Variants in OSMR observed in about 807,000 individuals in gnomAD.
The protein encoded by OSMR is oncostatin M receptor, also known as oncostatin-M-specific receptor subunit beta.
In OSMR, 81 loss-of-function variants were observed where a neutral mutation model predicts 99.9. The observed-to-expected ratio is 0.81, with a 90% confidence interval of 0.68 to 0.97. OSMR has a LOEUF of 0.97. Among genes scored for constraint, OSMR ranks in the 50% least tolerant of loss-of-function variants. The pLI is 0.00. For synonymous variants in OSMR, 406 were observed against 410.4 expected, an observed-to-expected ratio of 0.99 and a Z score of 0.13; for missense variants, 1,099 against 1,153.4, an observed-to-expected ratio of 0.95 and a Z score of 0.68.
At chr5:38,906,929 A>C (rs1745274363) in intron 9 of OSMR, among the ~76,000 whole-genome samples, 2 of 152,208 alleles carry the variant, frequency 1.3e-5, no homozygotes, top group Non-Finnish European at 2.9e-5. Context: ...AATTTTGTTA[A>C]ATTTTGTTAA....
Position 38,869,019 on chromosome 5 carries a change from TTATC to T in OSMR, c.-13-11_-13-8del, listed in dbSNP as rs779118239. ...TAAATAAAATTTTCCTTCTTATAAT[TTATC>T]TTTTTCAGAAAACCAGAACTGATGG... On this transcript the variant is annotated splice_polypyrimidine_tract_variant and intron_variant, in intron 1 of 17. Transcript: ENST00000274276. The T allele has an allele frequency of 3.3e-5, 54 of 1,612,590 alleles. No individual in the cohort carries two copies. The highest frequency in any genetic ancestry group is 4.5e-5 in the Non-Finnish European group (53 of 1,179,188).
At chr5:38,920,398 A>C (rs372783089) in intron 11 of OSMR, among the ~76,000 whole-genome samples, 2 of 152,234 alleles carry the variant, frequency 1.3e-5, no homozygotes, top group Non-Finnish European at 2.9e-5. Flanking sequence ...TTTTCAATTT[A>C]AAGAAACAGC....
At chr5:38,854,162 C>A (rs1740672665) in intron 1 of OSMR, among the ~76,000 whole-genome samples, 1 of 152,120 alleles carries the variant, frequency 6.6e-6, no homozygotes, top group African/African-American at 2.4e-5. Context: ...GGCATGAGAC[C>A]TCCAAGAAAG....
At chr5:38,874,627 G>A (rs1319427469) in intron 2 of OSMR, among the ~76,000 whole-genome samples, 1 of 152,150 alleles carries the variant, frequency 6.6e-6, no homozygotes, top group Non-Finnish European at 1.5e-5. Flanking sequence ...TCCTGACCAT[G>A]GTAGGACTTT....
chr5:38,866,761 A>G (rs1260697383), intron 1 of OSMR, among the ~76,000 whole-genome samples: 3 of 152,116 alleles, frequency 2.0e-5, no homozygotes, highest in Admixed American at 6.5e-5. Flanking sequence ...CTCTGGAGCA[A>G]TGCCATCACA....
At chr5:38,878,155 T>C (rs978301567) in intron 3 of OSMR, among the ~76,000 whole-genome samples, 3 of 152,150 alleles carry the variant, frequency 2.0e-5, no homozygotes, top group Admixed American at 6.5e-5. Context: ...CCCCAGGCCA[T>C]CGGTGGACAC....
downstream of OSMR, chr5:38,939,620 CAATT>C: frequency 4.3e-6 from 1 of 230,432 alleles, no homozygotes; most frequent in Non-Finnish European, 8.6e-6. Flanking sequence ...TTAGAAATAA[CAATT>C]CACTTTACGA....
rs745443353 is a variant in OSMR at position 38,869,025 on chromosome 5, T to G, written c.-13-7T>G. On this transcript the variant is annotated splice_polypyrimidine_tract_variant and splice_region_variant and intron_variant, in intron 1 of 17. Transcript: ENST00000274276. ...AAATTTTCCTTCTTATAATTTATCTTTTTCAGAAAACCAGAACTGATGGCT... is the reference window on the plus strand; with the variant it reads ...AAATTTTCCTTCTTATAATTTATCTGTTTCAGAAAACCAGAACTGATGGCT... 1 of 1,612,736 alleles carries G rather than the reference T, an allele frequency of 6.2e-7. No individual in the cohort carries two copies. The highest frequency in any genetic ancestry group is 1.3e-5 in the African/African-American group (1 of 74,980).
chr5:38,876,646 G>A (rs1376104230), intron 3 of OSMR, among the ~76,000 whole-genome samples: 2 of 152,128 alleles, frequency 1.3e-5, no homozygotes, highest in Non-Finnish European at 2.9e-5. Flanking sequence ...GTCTGTCCTC[G>A]TGAATACTGA....
chr5:38,945,173 T>A (rs537492857), downstream of OSMR: 1 of 832,440 alleles, frequency 1.2e-6, no homozygotes, highest in East Asian at 2.7e-5. Flanking sequence ...TCTTCTCTAA[T>A]TGTATGCAAT....
In OSMR at chr5:38,919,024, C is replaced by G; in HGVS notation, c.1547C>G (p.Pro516Arg). ...VIANNSVGASPASVIVISADP... is the reference protein window; with the variant it reads ...VIANNSVGASRASVIVISADP... ...GCCAACAACAGTGTGGGTGCTTCTC[C>G]TGCTTCTGTAATAGTCATCTCTGCA... The change falls in exon 11 of 18, where the codon CCT (proline) becomes CGT (arginine). Residue 516 changes from proline (P) to arginine (R), a missense_variant. Physicochemically the swap from Pro to Arg is moderately radical, Grantham distance 103 (BLOSUM62 -2). Coordinates refer to ENST00000274276, the MANE Select transcript of OSMR (RefSeq NM_003999.3). 1 of 1,614,076 alleles carries G rather than the reference C, an allele frequency of 6.2e-7. No homozygotes were observed. The highest frequency in any genetic ancestry group is 8.5e-7 in the Non-Finnish European group (1 of 1,179,958).
At chr5:38,924,348 C>T (rs1315256899) in intron 13 of OSMR, 74 bp from the exon 14 acceptor site, 1 of 1,607,918 alleles carries the variant, frequency 6.2e-7, no homozygotes, top group Non-Finnish European at 8.5e-7. Context: ...TATGGTTCTT[C>T]TATTAGTTGA....
chr5:38,896,468 A>G (rs1157625610), intron 7 of OSMR, among the ~76,000 whole-genome samples: 1 of 152,074 alleles, frequency 6.6e-6, no homozygotes, highest in Non-Finnish European at 1.5e-5. Flanking sequence ...GGCATATAGG[A>G]ATGCTAATGA....
At position 38,904,019 on chromosome 5, in the gene OSMR, A is replaced by T. The variant is rs374666402; in HGVS notation, c.1129A>T (p.Met377Leu). The part of the protein sequence containing the change: ...QIELHGEGKM[M>L]QYNVSIKVNG... ...TGAACTCCATGGTGAAGGAAAAATGATGCAAGTAAGAACCCTGCTTAATTT... is the reference window on the plus strand; with the variant it reads ...TGAACTCCATGGTGAAGGAAAAATGTTGCAAGTAAGAACCCTGCTTAATTT... The change falls in exon 8 of 18, where the codon ATG (methionine) becomes TTG (leucine). Residue 377 changes from methionine to leucine, a missense_variant. By Grantham distance (15) the Met-to-Leu change is conservative (BLOSUM62 2). Transcript: ENST00000274276. 26 of 1,614,102 alleles carry T rather than the reference A, an allele frequency of 1.6e-5. No homozygotes were observed. Among genetic ancestry groups the T allele is most frequent in the Non-Finnish European group, 2.2e-5 (26 of 1,179,988 alleles).
intron 1 of OSMR, among the ~76,000 whole-genome samples, chr5:38,861,868 G>A (rs1396432471): frequency 1.0e-4 from 14 of 140,058 alleles, no homozygotes; most frequent in Admixed American, 5.5e-4. Flanking sequence ...CTGGCCGGGC[G>A]GGGGGCTGAC....
intron 1 of OSMR, among the ~76,000 whole-genome samples, chr5:38,859,907 A>T (rs1741143162): frequency 6.6e-6 from 1 of 152,178 alleles, no homozygotes; most frequent in South Asian, 2.1e-4. Context: ...TAGAAACACT[A>T]CTAGTTTTTC....
At chr5:38,925,124 A>G in intron 14 of OSMR, 80 bp from the exon 15 acceptor site, 3 of 1,585,236 alleles carry the variant, frequency 1.9e-6, no homozygotes, top group Non-Finnish European at 1.7e-6. Context: ...ATTAGTGTCC[A>G]GCTCTCTCAC....
At chr5:38,852,717 C>CCTTTTT (rs1740491359) in intron 1 of OSMR, among the ~76,000 whole-genome samples, 1 of 57,430 alleles carries the variant, frequency 1.7e-5, no homozygotes, top group Non-Finnish European at 3.7e-5. Context: ...CTATTGTTTT[C>CCTTTTT]ATTTTTTTTT....
intron 1 of OSMR, chr5:38,941,767 A>G (rs753592862): frequency 1.1e-4 from 25 of 232,682 alleles, no homozygotes; most frequent in Non-Finnish European, 1.5e-4. Context: ...GTAGTGTTAC[A>G]AACATTAAGA....
Sources: gnomAD v4.1 joint callset for allele counts (sites outside exome capture counted in the v4.1 genomes callset) on GRCh38, gnomAD v4.1.1 for gene constraint, MANE v1.5 for transcripts, NCBI Gene and HGNC (gene_info 2026-07-23, HGNC 2026-07-21) for gene names.